SHMT2: variants seen among roughly 807,000 people sequenced by gnomAD.
The protein encoded by SHMT2 is serine hydroxymethyltransferase, mitochondrial.
In SHMT2, 38 loss-of-function variants were observed where a neutral mutation model predicts 59.6. The ratio of observed to expected loss-of-function variants is 0.64; its 90% CI spans 0.49 to 0.84. The LOEUF is 0.84. Ranked by LOEUF, SHMT2 falls within the 40% of genes least tolerant of loss-of-function variation. The probability of loss-of-function intolerance (pLI) is 0.00; values close to 1 mark genes in which losing one functional copy is unlikely to be tolerated. For synonymous variants in SHMT2, 254 were observed against 258.1 expected (o/e 0.98, Z 0.15); for missense variants, 533 against 659.5 (o/e 0.81, Z 2.10).
chr12:57,234,195 A>G (rs371775578), intron 11 of SHMT2, 39 bp from the exon 12 acceptor site: 1 of 1,612,858 alleles, frequency 6.2e-7, no homozygotes, highest in Non-Finnish European at 8.5e-7. Context: ...TGCCTTCCCT[A>G]GAGCTCTGAC....
chr12:57,232,943 G>A (rs1447830319), intron 7 of SHMT2, 100 bp downstream of exon 7: 1 of 1,487,834 alleles, frequency 6.7e-7, no homozygotes, highest in Non-Finnish European at 9.2e-7. Context: ...CCCACCTGCA[G>A]CCCTTAAGAC....
chr12:57,232,724 A>T lies in SHMT2; in HGVS notation c.738A>T (p.Ala246=). ...CCCAGGTGTGTGATGAAGTCAAAGC[A>T]CACCTGCTGGCAGACATGGCCCACA... ...RMREVCDEVK[A]HLLADMAHIS... Residue 246 remains alanine (A), a synonymous_variant, in exon 7 of 12, where the codon GCA becomes GCT. Coordinates refer to ENST00000328923, the MANE Select transcript of SHMT2 (RefSeq NM_005412.6). The T allele has an allele frequency of 6.2e-7, 1 of 1,609,772 alleles. No homozygotes were observed.
chr12:57,230,248 G>C, intron 1 of SHMT2: 2 of 1,217,946 alleles, frequency 1.6e-6, no homozygotes, highest in Non-Finnish European at 2.1e-6. Flanking sequence ...GGAACGGGTA[G>C]GGGGCTAAGT....
Position 57,230,808 on chromosome 12 carries a change from G to T in SHMT2, c.39G>T (p.Leu13=). 1 of 1,614,036 alleles carries T rather than the reference G, an allele frequency of 6.2e-7. No homozygotes were observed. Among genetic ancestry groups the T allele is most frequent in the Non-Finnish European group, 8.5e-7 (1 of 1,179,986 alleles). Reference sequence around the variant, plus strand: ...CTGACTTTTCCTGCCTTCAGCCTCTGCAGAGATGTGGGCAGCTGGTCAGGA... The same window carrying T: ...CTGACTTTTCCTGCCTTCAGCCTCTTCAGAGATGTGGGCAGCTGGTCAGGA... ...YFSLFWAARP[L]QRCGQLVRMA... Residue 13 remains leucine, a synonymous_variant, in exon 2 of 12, where the codon CTG becomes CTT. Transcript: ENST00000328923.
At chr12:57,231,050 G>A (rs750091494) in intron 2 of SHMT2, 50 bp downstream of exon 2, 1 of 1,557,890 alleles carries the variant, frequency 6.4e-7, no homozygotes, top group African/African-American at 1.4e-5. Context: ...GGTACAGGAA[G>A]TAACAAAGTT....
chr12:57,232,590 C>T lies in SHMT2; in HGVS notation c.717+15C>T, dbSNP rs757082236. 22 of 1,613,866 alleles carry T rather than the reference C, an allele frequency of 1.4e-5. No individual in the cohort carries two copies. In the Admixed American group the frequency reaches 2.8e-4, roughly 21 times the overall value. ...GCATGAGAGAGGTTGGTGGGGGGGGCTGGAGACTGGGCACCTCCCCAGGGG... is the reference window on the plus strand; with the variant it reads ...GCATGAGAGAGGTTGGTGGGGGGGGTTGGAGACTGGGCACCTCCCCAGGGG... On this transcript the variant is annotated intron_variant, in intron 6 of 11. Transcript: ENST00000328923.
At position 57,233,582 on chromosome 12, in the gene SHMT2, G is replaced by A. The variant is rs201473547; in HGVS notation, c.1043G>A (p.Arg348Gln). Residue 348 changes from arginine to glutamine, a missense_variant, in exon 9 of 12, where the codon CGG becomes CAG. Arg to Gln is a conservative substitution (Grantham distance 43). Coordinates refer to ENST00000328923, the MANE Select transcript of SHMT2 (RefSeq NM_005412.6). ...CTCCAGGCCTGCACCCCCATGTTCCGGGAGTACTCCCTGCAGGTTCTGAAG... is the reference window on the plus strand; with the variant it reads ...CTCCAGGCCTGCACCCCCATGTTCCAGGAGTACTCCCTGCAGGTTCTGAAG... ...ALKQACTPMFREYSLQVLKNA... is the reference protein window; with the variant it reads ...ALKQACTPMFQEYSLQVLKNA... The A allele has an allele frequency of 1.0e-4, 162 of 1,613,796 alleles. No homozygotes were observed. Among genetic ancestry groups the A allele is most frequent in the African/African-American group, 2.3e-4 (17 of 75,042 alleles).
chr12:57,232,011 AGGCCT>A, intron 4 of SHMT2, 98 bp downstream of exon 4: 1 of 1,354,718 alleles, frequency 7.4e-7, no homozygotes, highest in Non-Finnish European at 1.0e-6. Context: ...CAGATGGAAC[AGGCCT>A]TGCCCTGTCC....
rs754265871 is a variant in SHMT2, at chr12:57,229,769, C to G, written c.-10C>G. ...TTGGTGGCTGGACCTCCTGCGACTTCCGAGTTGCGATGCTGTACTTCTCTT... is the reference window on the plus strand; with the variant it reads ...TTGGTGGCTGGACCTCCTGCGACTTGCGAGTTGCGATGCTGTACTTCTCTT... On this transcript the variant is annotated 5_prime_UTR_variant, in exon 1 of 12. Transcript: ENST00000328923. 6.2e-7 allele frequency: 1 copy of G among 1,614,178 alleles called. No individual in the cohort carries two copies. Among genetic ancestry groups the G allele is most frequent in the Non-Finnish European group, 8.5e-7 (1 of 1,179,974 alleles).
chr12:57,229,868 C>G, intron 1 of SHMT2, 57 bp downstream of exon 1: 1 of 1,605,776 alleles, frequency 6.2e-7, no homozygotes, highest in East Asian at 2.2e-5. Flanking sequence ...CTTCTCCTAC[C>G]TTAGTTCCTA....
At position 57,231,722 on chromosome 12, in the gene SHMT2, G is replaced by A. The variant is rs764074961; in HGVS notation, c.321G>A (p.Gly107=). The change falls in exon 4 of 12, where the codon GGG becomes GGA. Residue 107 remains glycine, a synonymous_variant. Transcript: ENST00000328923. ...CCCTCTCCCACGGCAGATACTATGG[G>A]GGAGCAGAGGTGGTGGATGAAATTG... The part of the protein sequence containing the change: ...SEGYPGKRYY[G]GAEVVDEIEL... 4.3e-6 allele frequency: 7 copies of A among 1,614,072 alleles called. No individual in the cohort carries two copies. The highest frequency in any genetic ancestry group is 1.1e-5 in the South Asian group (1 of 91,082).
Position 57,233,790 on chromosome 12 carries a change from A to G in SHMT2, c.1165A>G (p.Lys389Glu), listed in dbSNP as rs1290125788. 1.2e-6 allele frequency: 2 copies of G among 1,614,118 alleles called. No individual in the cohort carries two copies. Among genetic ancestry groups the G allele is most frequent in the Admixed American group, 3.3e-5 (2 of 60,006 alleles). Reference sequence around the variant, plus strand: ...CCTGGTGCTGGTGGACCTGCGGCCCAAGGGCCTGGATGGAGCTCGGGCTGA... The same window carrying G: ...CCTGGTGCTGGTGGACCTGCGGCCCGAGGGCCTGGATGGAGCTCGGGCTGA... ...NHLVLVDLRP[K>E]GLDGARAERV... The change falls in exon 10 of 12, where the codon AAG (lysine) becomes GAG (glutamate). Residue 389 changes from lysine (K) to glutamate (E), a missense_variant. Physicochemically the swap from Lys to Glu is moderately conservative, Grantham distance 56. Coordinates refer to ENST00000328923, the MANE Select transcript of SHMT2 (RefSeq NM_005412.6).
chr12:57,230,655 T>TTGAAGG (rs775403898), intron 1 of SHMT2, 148 bp from the exon 2 acceptor site: 12 of 1,459,728 alleles, frequency 8.2e-6, no homozygotes, highest in Non-Finnish European at 1.1e-5. Flanking sequence ...GAACTGGCTT[T>TTGAAGG]TGAAGGTGGA....
intron 1 of SHMT2, 193 bp downstream of exon 1, chr12:57,230,004 C>A: frequency 7.0e-7 from 1 of 1,434,452 alleles, no homozygotes; most frequent in Non-Finnish European, 9.1e-7. Context: ...AGCCTGTCCT[C>A]ATTCTGGCGA....
At chr12:57,233,494 C>T in intron 8 of SHMT2, 69 bp from the exon 9 acceptor site, 1 of 1,534,746 alleles carries the variant, frequency 6.5e-7, no homozygotes, top group Non-Finnish European at 8.9e-7. Context: ...GCTGAGGGTG[C>T]AGGGCCAGAG....
Position 57,231,908 on chromosome 12 carries a change from G to A in SHMT2, c.507G>A (p.Gly169=). The change falls in exon 4 of 12, where the codon GGG becomes GGA. Residue 169 remains glycine (G), a synonymous_variant. Coordinates refer to ENST00000328923, the MANE Select transcript of SHMT2 (RefSeq NM_005412.6). The part of the protein sequence containing the change: ...DRIMGLDLPD[G]GHLTHGYMSD... ...TCATGGGGCTGGACCTGCCCGATGG[G>A]GGCCAGTGAGTATGGATGGGCTGGC... The A allele has an allele frequency of 6.2e-7, 1 of 1,606,826 alleles. No homozygotes were observed. Among genetic ancestry groups the A allele is most frequent in the East Asian group, 2.2e-5 (1 of 44,660 alleles).
chr12:57,233,716 G>T (rs1306208803), intron 9 of SHMT2, 33 bp from the exon 10 acceptor site: 9 of 1,613,368 alleles, frequency 5.6e-6, no homozygotes, highest in South Asian at 1.1e-5. Context: ...AGAGGCCCAG[G>T]ACTCACCACT....
chr12:57,234,492 A>G lies in SHMT2; in HGVS notation c.*131A>G. The G allele has an allele frequency of 2.1e-6, 2 of 939,174 alleles. No homozygotes were observed. Among genetic ancestry groups the G allele is most frequent in the East Asian group, 2.7e-5 (1 of 36,460 alleles). 58.2% of individuals were successfully genotyped at this position (939,174 alleles called of 1,614,324 possible). A position where few individuals can be genotyped will look rare whatever the true frequency, so the allele number is the denominator to read the frequency against. ...CTCTCACTTAGGGCAAGAGCCAGGTATAGTCTCCCTTCCCAGAATTTGTAA... is the reference window on the plus strand; with the variant it reads ...CTCTCACTTAGGGCAAGAGCCAGGTGTAGTCTCCCTTCCCAGAATTTGTAA... On this transcript the variant is annotated 3_prime_UTR_variant, in exon 12 of 12. Transcript: ENST00000328923.
intron 1 of SHMT2, chr12:57,230,029 G>A (rs939404412): frequency 2.1e-6 from 3 of 1,424,098 alleles, no homozygotes; most frequent in Admixed American, 5.8e-5. Context: ...ACGCCCCAGG[G>A]CCTCGTGACC....
Sources: gnomAD v4.1 joint callset for allele counts on GRCh38, gnomAD v4.1.1 for gene constraint, MANE v1.5 for transcripts, NCBI Gene and HGNC (gene_info 2026-07-23, HGNC 2026-07-21) for gene names.